The following ZNF665 variants were observed in gnomAD, a reference collection of about 807,000 sequenced individuals.
The protein encoded by ZNF665 is zinc finger protein 665.
In ZNF665, 6 loss-of-function variants were observed where a neutral mutation model predicts 7.9. The observed-to-expected ratio is 0.76, with a 90% confidence interval of 0.42 to 1.50. ZNF665 has a LOEUF of 1.50. ZNF665 is among the 40% of genes most tolerant of loss of function. ZNF665 has a pLI of 0.01. For missense variants in ZNF665, 819 were observed against 806.7 expected, an observed-to-expected ratio of 1.02 and a Z score of -0.18; for synonymous variants, 242 against 274.5, an observed-to-expected ratio of 0.88 and a Z score of 1.17.
chr19:53,165,112 AT>A lies in ZNF665; in HGVS notation c.1377del (p.Lys459AsnfsTer71). The A allele has an allele frequency of 1.2e-6, 2 of 1,613,904 alleles. No individual in the cohort carries two copies. Among genetic ancestry groups the A allele is most frequent in the Non-Finnish European group, 1.7e-6 (2 of 1,179,986 alleles). ...QAIHTGEKPY[K>X]CNDCGKVFTQ... ...GTGAAGACCTTACCGCAGTCATTAC[AT>A]TTGTAAGGCTTTTCTCCAGTATGAA... On this transcript the variant is annotated frameshift_variant, in exon 4 of 4. Coordinates refer to ENST00000396424, the MANE Select transcript of ZNF665 (RefSeq NM_024733.5). LOFTEE classifies it low-confidence loss of function (END_TRUNC).
intron 1 of ZNF665, among the ~76,000 whole-genome samples, chr19:53,189,994 C>G (rs887595611): frequency 1.3e-5 from 2 of 152,250 alleles, no homozygotes; most frequent in East Asian, 3.9e-4. Context: ...GCTCCTATCT[C>G]TGTATGGCCT....
Position 53,173,908 on chromosome 19 carries a change from C to T in ZNF665, c.142+1537G>A, listed in dbSNP as rs144609973. On this transcript the variant is annotated intron_variant, in intron 3 of 3. Coordinates refer to ENST00000396424, the MANE Select transcript of ZNF665 (RefSeq NM_024733.5). ...CTGTCCACTGTACTTAACAATTTGGCTAACCATCTCAGAAGATCCAACCCA... is the reference window on the plus strand; with the variant it reads ...CTGTCCACTGTACTTAACAATTTGGTTAACCATCTCAGAAGATCCAACCCA... 1.7e-4 allele frequency among the ~76,000 whole-genome samples: 26 copies of T among 152,238 alleles called. No individual in the cohort carries two copies. In the East Asian group the frequency reaches 3.3e-3, roughly 19 times the overall value.
At chr19:53,180,201 G>A (rs2090728129) in intron 2 of ZNF665, among the ~76,000 whole-genome samples, 1 of 152,126 alleles carries the variant, frequency 6.6e-6, no homozygotes, top group African/African-American at 2.4e-5. Flanking sequence ...GGGAGGCCGA[G>A]TTAGATGGAT....
intron 1 of ZNF665, among the ~76,000 whole-genome samples, chr19:53,192,849 G>A (rs187007545): frequency 1.5e-4 from 23 of 152,208 alleles, no homozygotes; most frequent in African/African-American, 5.1e-4. Flanking sequence ...AGCAGGGCCC[G>A]GCACGAGGAG....
At chr19:53,178,500 G>T (rs770058011) in intron 2 of ZNF665, among the ~76,000 whole-genome samples, 2 of 152,166 alleles carry the variant, frequency 1.3e-5, no homozygotes, top group Non-Finnish European at 2.9e-5. Flanking sequence ...AAGGCAGGCA[G>T]ATTGTTTGAA....
intron 3 of ZNF665, among the ~76,000 whole-genome samples, chr19:53,167,586 A>G (rs1359580594): frequency 2.0e-5 from 3 of 150,404 alleles, no homozygotes; most frequent in Non-Finnish European, 4.4e-5. Context: ...AGCTGGGACT[A>G]CAGGCGCCCG....
At chr19:53,189,429 C>A (rs545810005) in intron 1 of ZNF665, among the ~76,000 whole-genome samples, 2 of 148,914 alleles carry the variant, frequency 1.3e-5, no homozygotes, top group South Asian at 4.4e-4. Flanking sequence ...GTGTGAGTCA[C>A]CTCCAATGAT....
intron 1 of ZNF665, among the ~76,000 whole-genome samples, chr19:53,183,522 C>A (rs573542776): frequency 6.6e-6 from 1 of 152,074 alleles, no homozygotes; most frequent in African/African-American, 2.4e-5. Flanking sequence ...CACAGCCCCC[C>A]CACCTTCTGG....
intron 1 of ZNF665, among the ~76,000 whole-genome samples, chr19:53,183,639 G>GTGGGGA (rs2090755372): frequency 1.3e-5 from 2 of 150,888 alleles, no homozygotes; most frequent in African/African-American, 2.4e-5. Context: ...GAGGGTGGGG[G>GTGGGGA]TGGGGATGGA....
At position 53,166,273 on chromosome 19, in the gene ZNF665, C is replaced by T; in HGVS notation, c.217G>A (p.Val73Met). 1 of 1,612,616 alleles carries T rather than the reference C, an allele frequency of 6.2e-7. No homozygotes were observed. Among genetic ancestry groups the T allele is most frequent in the Non-Finnish European group, 8.5e-7 (1 of 1,179,556 alleles). ...KNNMGEAFYT[V>M]KLERLESCDT... ...CAGCTTTCAAGTCTCTCCAACTTCACCGTGTAGAACGCTTCTCCCATATTG... is the reference window on the plus strand; with the variant it reads ...CAGCTTTCAAGTCTCTCCAACTTCATCGTGTAGAACGCTTCTCCCATATTG... The change falls in exon 4 of 4, where the codon GTG (valine) becomes ATG (methionine). Residue 73 changes from valine to methionine, a missense_variant. Transcript: ENST00000396424.
chr19:53,182,987 C>T, intron 1 of ZNF665, 44 bp from the exon 2 acceptor site: 1 of 1,560,116 alleles, frequency 6.4e-7, no homozygotes, highest in Non-Finnish European at 8.8e-7. Flanking sequence ...TCCTGAATGT[C>T]AAAAATACGC....
chr19:53,168,246 AG>A (rs2090632888), intron 3 of ZNF665, among the ~76,000 whole-genome samples: 1 of 152,122 alleles, frequency 6.6e-6, no homozygotes, highest in African/African-American at 2.4e-5. Context: ...AGAACTAGTG[AG>A]TTTAGCAAGG....
At chr19:53,188,895 A>C (rs2090791499) in intron 1 of ZNF665, among the ~76,000 whole-genome samples, 1 of 151,966 alleles carries the variant, frequency 6.6e-6, no homozygotes, top group Non-Finnish European at 1.5e-5. Context: ...AAGACGTTTC[A>C]TCATGTTGGC....
chr19:53,170,867 T>G (rs887106904), intron 3 of ZNF665, among the ~76,000 whole-genome samples: 3 of 152,194 alleles, frequency 2.0e-5, no homozygotes, highest in Non-Finnish European at 4.4e-5. Context: ...CCCCAAAAAC[T>G]TAACCACTAA....
intron 3 of ZNF665, among the ~76,000 whole-genome samples, chr19:53,167,854 A>C (rs2090628474): frequency 6.7e-6 from 1 of 148,178 alleles, no homozygotes; most frequent in African/African-American, 2.5e-5. Flanking sequence ...CAGGAGATCG[A>C]GACCATCCTG....
In ZNF665 at chr19:53,164,580, A is replaced by G. The variant is rs763659028; in HGVS notation, c.1910T>C (p.Val637Ala). 1.2e-6 allele frequency: 2 copies of G among 1,614,174 alleles called. No individual in the cohort carries two copies. Among genetic ancestry groups the G allele is most frequent in the South Asian group, 1.1e-5 (1 of 91,086 alleles). ...CATATGGGTAGTTAGGGTTGAACGA[A>G]CACTGAAGGCTTTCCCACACTCATT... ...RCNECGKAFSVRSTLTTHMAV... is the reference protein window; with the variant it reads ...RCNECGKAFSARSTLTTHMAV... Residue 637 changes from valine to alanine, a missense_variant, in exon 4 of 4, where the codon GTT becomes GCT. Coordinates refer to ENST00000396424, the MANE Select transcript of ZNF665 (RefSeq NM_024733.5).
intron 3 of ZNF665, among the ~76,000 whole-genome samples, chr19:53,171,356 G>C (rs2090655364): frequency 6.6e-6 from 1 of 151,634 alleles, no homozygotes; most frequent in African/African-American, 2.4e-5. Flanking sequence ...TAGCGTTACA[G>C]AGTGTATTAA....
Position 53,164,739 on chromosome 19 carries a change from T to A in ZNF665, c.1751A>T (p.Asn584Ile). ...ECGKAFSVHS[N>I]LATHQVIHTG... ...ATGGATGACCTGATGGGTAGCTAGG[T>A]TTGAATGTACACTAAATGCTTTGCC... The change falls in exon 4 of 4, where the codon AAC becomes ATC. Residue 584 changes from asparagine (N) to isoleucine (I), a missense_variant. Transcript: ENST00000396424. 6.2e-7 allele frequency: 1 copy of A among 1,614,036 alleles called. No homozygotes were observed. Among genetic ancestry groups the A allele is most frequent in the Non-Finnish European group, 8.5e-7 (1 of 1,179,998 alleles).
chr19:53,178,670 C>G (rs2090715539), intron 2 of ZNF665, among the ~76,000 whole-genome samples: 1 of 152,150 alleles, frequency 6.6e-6, no homozygotes, highest in South Asian at 2.1e-4. Context: ...TCGAGCAAAA[C>G]TGGCCACAGA....
Sources: gnomAD v4.1 joint callset for allele counts (sites outside exome capture counted in the v4.1 genomes callset) on GRCh38, gnomAD v4.1.1 for gene constraint, MANE v1.5 for transcripts, NCBI Gene and HGNC (gene_info 2026-07-23, HGNC 2026-07-21) for gene names.